The following PARVA variants were observed in gnomAD, a reference collection of about 807,000 sequenced individuals.
The protein encoded by PARVA is alpha-parvin.
In PARVA, 25 loss-of-function variants were observed where a neutral mutation model predicts 52.6. The ratio of observed to expected loss-of-function variants is 0.48; its 90% CI spans 0.35 to 0.66. The LOEUF (loss-of-function observed/expected upper bound fraction) is 0.66. Ranked by LOEUF, PARVA falls within the 30% of genes least tolerant of loss-of-function variation. The pLI is 0.01. For missense variants in PARVA, 373 were observed against 450.9 expected (o/e 0.83, Z 1.56); for synonymous variants, 185 against 179.1 (o/e 1.03, Z -0.26).
chr11:12,388,718 T>A (rs1228010601), intron 1 of PARVA, among the ~76,000 whole-genome samples: 1 of 152,040 alleles, frequency 6.6e-6, no homozygotes, highest in Non-Finnish European at 1.5e-5. Flanking sequence ...GTATTGTGAG[T>A]ATACTATGTA....
chr11:12,463,127 CTTA>C (rs1267375069), intron 1 of PARVA, among the ~76,000 whole-genome samples: 1 of 149,664 alleles, frequency 6.7e-6, no homozygotes, highest in Non-Finnish European at 1.5e-5. Context: ...ACTTTTTTTT[CTTA>C]TTAACATCTT....
intron 1 of PARVA, among the ~76,000 whole-genome samples, chr11:12,457,047 G>A (rs1017819536): frequency 1.3e-5 from 2 of 152,132 alleles, no homozygotes; most frequent in African/African-American, 2.4e-5. Flanking sequence ...TTATTTTTGT[G>A]TACGAGCTAA....
Position 12,534,952 on chromosome 11 carries a change from G to A in PARVA, c.*7027G>A, listed in dbSNP as rs190326763. On this transcript the variant is annotated 3_prime_UTR_variant, in exon 13 of 13. Coordinates refer to ENST00000334956, the MANE Select transcript of PARVA (RefSeq NM_018222.5). Reference sequence around the variant, plus strand: ...GAGAATGTACACTCTCACTGAACTGGGGATGTTTGACTTAAAATGATGGAC... The same window carrying A: ...GAGAATGTACACTCTCACTGAACTGAGGATGTTTGACTTAAAATGATGGAC... 7.9e-5 allele frequency among the ~76,000 whole-genome samples: 12 copies of A among 152,204 alleles called. No individual in the cohort carries two copies. Among genetic ancestry groups the A allele is most frequent in the Admixed American group, 5.9e-4 (9 of 15,282 alleles).
intron 5 of PARVA, among the ~76,000 whole-genome samples, chr11:12,501,488 CAAG>C (rs1941363133): frequency 6.6e-6 from 1 of 152,128 alleles, no homozygotes; most frequent in Admixed American, 6.6e-5. Context: ...AAGGAGAAGA[CAAG>C]AAGTCATGGG....
intron 1 of PARVA, among the ~76,000 whole-genome samples, chr11:12,386,113 G>T (rs1308131901): frequency 6.6e-6 from 1 of 152,088 alleles, no homozygotes; most frequent in Non-Finnish European, 1.5e-5. Context: ...GTCCATTTTT[G>T]TTCAGCCCAT....
chr11:12,509,338 C>A (rs992940065), intron 7 of PARVA, among the ~76,000 whole-genome samples: 2 of 152,172 alleles, frequency 1.3e-5, no homozygotes, highest in Non-Finnish European at 2.9e-5. Flanking sequence ...CTAAGCCAAC[C>A]CAACTTGAGT....
At chr11:12,472,604 G>C (rs1386597641) in intron 1 of PARVA, among the ~76,000 whole-genome samples, 1 of 152,144 alleles carries the variant, frequency 6.6e-6, no homozygotes, top group East Asian at 1.9e-4. Flanking sequence ...GTGTATTGAG[G>C]TGAAAGAACT....
intron 1 of PARVA, among the ~76,000 whole-genome samples, chr11:12,438,035 T>C (rs1056916442): frequency 1.3e-5 from 2 of 151,740 alleles, no homozygotes; most frequent in Admixed American, 1.3e-4. Context: ...CCGAGGCGGG[T>C]GGATCACGAT....
intron 4 of PARVA, among the ~76,000 whole-genome samples, chr11:12,486,678 T>TG (rs1226195758): frequency 6.6e-6 from 1 of 152,092 alleles, no homozygotes; most frequent in Non-Finnish European, 1.5e-5. Context: ...AAACCTCATT[T>TG]CTACTAAAAA....
At chr11:12,442,576 C>T (rs1940482552) in intron 1 of PARVA, among the ~76,000 whole-genome samples, 1 of 151,992 alleles carries the variant, frequency 6.6e-6, no homozygotes, top group East Asian at 1.9e-4. Flanking sequence ...GCAGAAGTCT[C>T]AGGTACAAGA....
chr11:12,443,203 C>T (rs1940494247), intron 1 of PARVA, among the ~76,000 whole-genome samples: 1 of 109,724 alleles, frequency 9.1e-6, no homozygotes, highest in African/African-American at 3.1e-5. Context: ...GATGGAGTCT[C>T]GCTCTGTCGT....
intron 10 of PARVA, 132 bp downstream of exon 10, chr11:12,514,197 C>CCTG: frequency 3.0e-6 from 2 of 666,536 alleles, no homozygotes; most frequent in Non-Finnish European, 5.3e-6. Flanking sequence ...CTGTCCTACT[C>CCTG]TGAGGGGTGG....
Position 12,400,265 on chromosome 11 carries a change from TTTAA to T in PARVA, c.136+22485_136+22488del, listed in dbSNP as rs200556197. Among the ~76,000 whole-genome samples, 887 of 152,358 alleles carry T rather than the reference TTTAA, an allele frequency of 5.8e-3. 5 individuals carry two copies. The highest frequency in any genetic ancestry group is 0.021 in the African/African-American group (857 of 41,588). ...ATTACATTTGCTTTGTGGGAACAAC[TTTAA>T]TTGTTTTTATTTGAATTTCCATGAT... On this transcript the variant is annotated intron_variant, in intron 1 of 12. Coordinates refer to ENST00000334956, the MANE Select transcript of PARVA (RefSeq NM_018222.5).
intron 4 of PARVA, chr11:12,479,563 G>A (rs555576448): frequency 6.6e-6 from 1 of 152,056 alleles, no homozygotes; most frequent in East Asian, 1.9e-4. Flanking sequence ...GCCTCCCAAA[G>A]TACTGTGATT....
At chr11:12,507,994 G>A (rs916588116) in intron 6 of PARVA, among the ~76,000 whole-genome samples, 3 of 151,082 alleles carry the variant, frequency 2.0e-5, no homozygotes, top group African/African-American at 4.9e-5. Flanking sequence ...ATGGATGGAC[G>A]GACGGACGGA....
chr11:12,465,451 A>G (rs953168513), intron 1 of PARVA, among the ~76,000 whole-genome samples: 9 of 152,218 alleles, frequency 5.9e-5, no homozygotes, highest in Non-Finnish European at 2.9e-5. Context: ...GGACTAAGAC[A>G]TTTCTTATAC....
intron 1 of PARVA, among the ~76,000 whole-genome samples, chr11:12,383,578 T>G (rs567656441): frequency 2.0e-5 from 3 of 152,330 alleles, no homozygotes; most frequent in South Asian, 4.1e-4. Flanking sequence ...GCAACAAATT[T>G]ATGGTTTCTA....
intron 1 of PARVA, among the ~76,000 whole-genome samples, chr11:12,417,869 T>G (rs947341961): frequency 6.6e-6 from 1 of 152,192 alleles, no homozygotes; most frequent in Admixed American, 6.5e-5. Context: ...CCCTTCTAGC[T>G]GGGCAGCTCC....
At chr11:12,406,674 T>TG (rs1220539918) in intron 1 of PARVA, among the ~76,000 whole-genome samples, 7 of 136,498 alleles carry the variant, frequency 5.1e-5, no homozygotes, top group Non-Finnish European at 9.5e-5. Context: ...TTTTTTTTTT[T>TG]TTTTTTTTTT....
Sources: allele counts gnomAD v4.1 joint callset (sites outside exome capture counted in the v4.1 genomes callset), GRCh38; gene constraint gnomAD v4.1.1; transcripts MANE v1.5; gene names NCBI Gene and HGNC (gene_info 2026-07-23, HGNC 2026-07-21).